The following FRMD6 variants were observed in gnomAD, a reference collection of about 807,000 sequenced individuals.
The protein encoded by FRMD6 is FERM domain-containing protein 6.
In FRMD6, 37 loss-of-function variants were observed where a neutral mutation model predicts 73.2. That is an observed-to-expected ratio of 0.51 (90% CI 0.39 to 0.66). The LOEUF (loss-of-function observed/expected upper bound fraction) is 0.66. Among genes scored for constraint, FRMD6 ranks in the 30% least tolerant of loss-of-function variants. The probability of loss-of-function intolerance (pLI) is 0.00; values close to 1 mark genes in which losing one functional copy is unlikely to be tolerated. For missense variants in FRMD6, 714 were observed against 780.5 expected (o/e 0.91, Z 1.02); for synonymous variants, 273 against 282.2 (o/e 0.97, Z 0.33).
In FRMD6 at chr14:51,702,588, G is replaced by C. The variant is rs1016686596; in HGVS notation, c.371G>C (p.Ser124Thr). The C allele has an allele frequency of 2.5e-6, 4 of 1,610,624 alleles. No homozygotes were observed. The African/African-American group carries it at 4.0e-5, about 16-fold the overall frequency. Residue 124 changes from serine to threonine, a missense_variant and splice_region_variant, in exon 5 of 14, where the codon AGT (serine) becomes ACT (threonine). Coordinates refer to ENST00000344768, the MANE Select transcript of FRMD6 (RefSeq NM_001267046.2). ...TATGTGGAAAATGGCAGATTGATCA[G>C]GTAAGAGGACAGGGGGTGATTCTAA... is the stretch of plus-strand genomic sequence containing the variant. ...QYYVENGRLI[S>T]DRAARYYYYW... is the part of the protein sequence containing the mutation.
At chr14:51,662,644 A>C (rs1893301266) in intron 1 of FRMD6, among the ~76,000 whole-genome samples, 1 of 152,250 alleles carries the variant, frequency 6.6e-6, no homozygotes, top group African/African-American at 2.4e-5. Flanking sequence ...TACAAAAATT[A>C]ACTCAAAATG....
the FRMD6 span, among the ~76,000 whole-genome samples, chr14:51,476,039 G>A: frequency 5.9e-5 from 9 of 152,266 alleles, no homozygotes; most frequent in African/African-American, 1.9e-4. Context: ...GCCCTGGCCA[G>A]AAAAGTAAAT....
At chr14:51,415,136 C>G in the FRMD6 span, among the ~76,000 whole-genome samples, 14 of 152,112 alleles carry the variant, frequency 9.2e-5, no homozygotes, top group Non-Finnish European at 1.9e-4. Flanking sequence ...ACTTGAATAC[C>G]CTTTATTTCT....
chr14:51,605,952 G>A (rs1212267687), intron 2 of FRMD6, among the ~76,000 whole-genome samples: 1 of 152,192 alleles, frequency 6.6e-6, no homozygotes, highest in Non-Finnish European at 1.5e-5. Context: ...GCTCCATGCT[G>A]TTGTCTTCAG....
chr14:51,695,727 T>C (rs542720108), intron 2 of FRMD6, among the ~76,000 whole-genome samples: 1 of 152,288 alleles, frequency 6.6e-6, no homozygotes, highest in African/African-American at 2.4e-5. Context: ...CATGAGTTCC[T>C]GGTACTTCCA....
chr14:51,728,341 G>T lies in FRMD6; in HGVS notation c.*312G>T. The T allele has an allele frequency of 3.9e-6, 1 of 255,948 alleles. No homozygotes were observed. The highest frequency in any genetic ancestry group is 4.8e-5 in the Admixed American group (1 of 20,786). 15.9% of individuals were successfully genotyped at this position (255,948 alleles called of 1,614,324 possible). On this transcript the variant is annotated 3_prime_UTR_variant, in exon 14 of 14. Transcript: ENST00000344768. ...AGTGTGGTGTGTTTGCTCATCTGATGCTTTTTAGTTCAGTTACATGTAACA... is the reference window on the plus strand; with the variant it reads ...AGTGTGGTGTGTTTGCTCATCTGATTCTTTTTAGTTCAGTTACATGTAACA...
the FRMD6 span, chr14:51,454,678 T>C: frequency 3.9e-5 from 6 of 152,250 alleles, no homozygotes; most frequent in Non-Finnish European, 7.3e-5. Flanking sequence ...CTCAGAAAGA[T>C]GTGCTTTTGT....
At chr14:51,722,848 A>G (rs1055296665) in intron 12 of FRMD6, among the ~76,000 whole-genome samples, 6 of 152,220 alleles carry the variant, frequency 3.9e-5, no homozygotes, top group African/African-American at 1.4e-4. Flanking sequence ...GAAGGGCCTG[A>G]CTGAGGTAGC....
chr14:51,437,082 C>T, the FRMD6 span: 1 of 362,824 alleles, frequency 2.8e-6, no homozygotes, highest in South Asian at 2.5e-5. Flanking sequence ...GTTTGCTGCA[C>T]CCATCAACTC....
intron 1 of FRMD6, among the ~76,000 whole-genome samples, chr14:51,685,008 A>G (rs888338614): frequency 4.3e-4 from 65 of 152,290 alleles, no homozygotes; most frequent in African/African-American, 1.6e-3. Flanking sequence ...TAGTCACAGC[A>G]CCAGACCAGA....
chr14:51,622,605 G>A (rs576491321), intron 2 of FRMD6, among the ~76,000 whole-genome samples: 2 of 152,186 alleles, frequency 1.3e-5, no homozygotes, highest in African/African-American at 2.4e-5. Context: ...AGCTTCACTC[G>A]GAGTCAATCC....
intron 7 of FRMD6, among the ~76,000 whole-genome samples, chr14:51,710,180 C>T (rs1896865237): frequency 6.6e-6 from 1 of 152,088 alleles, no homozygotes; most frequent in Admixed American, 6.6e-5. Flanking sequence ...TAGAAAATGA[C>T]TCTTATCTGC....
At chr14:51,653,419 C>A (rs2140105904) in intron 1 of FRMD6, among the ~76,000 whole-genome samples, 1 of 152,242 alleles carries the variant, frequency 6.6e-6, no homozygotes, top group East Asian at 1.9e-4. Flanking sequence ...GTTGATATTT[C>A]ACAGCATCAA....
At chr14:51,615,653 G>T (rs1890680394) in intron 2 of FRMD6, among the ~76,000 whole-genome samples, 1 of 152,152 alleles carries the variant, frequency 6.6e-6, no homozygotes, top group African/African-American at 2.4e-5. Flanking sequence ...TAACAAAGGT[G>T]AAAATGACAT....
chr14:51,649,380 T>A (rs949582402), upstream of FRMD6: 1 of 152,116 alleles, frequency 6.6e-6, no homozygotes, highest in Non-Finnish European at 1.5e-5. Flanking sequence ...CTTTTTTTTT[T>A]AAACTGTTCC....
At chr14:51,402,170 T>C in the FRMD6 span, among the ~76,000 whole-genome samples, 1 of 152,210 alleles carries the variant, frequency 6.6e-6, no homozygotes, top group Non-Finnish European at 1.5e-5. Context: ...AAAAGAATCA[T>C]TATGGCCTTG....
At chr14:51,425,118 C>T in the FRMD6 span, among the ~76,000 whole-genome samples, 7 of 152,318 alleles carry the variant, frequency 4.6e-5, 1 homozygote, top group South Asian at 4.1e-4. Flanking sequence ...CCCCAGGCTC[C>T]ATCCTCTGCC....
chr14:51,573,231 C>A (rs183771893), intron 2 of FRMD6, among the ~76,000 whole-genome samples: 1 of 152,304 alleles, frequency 6.6e-6, no homozygotes, highest in East Asian at 1.9e-4. Context: ...TCAGTCAGTG[C>A]TTTCAAATGC....
the FRMD6 span, among the ~76,000 whole-genome samples, chr14:51,402,865 C>T: frequency 6.6e-6 from 1 of 152,088 alleles, no homozygotes; most frequent in African/African-American, 2.4e-5. Context: ...GTCTCGATCT[C>T]CTAACCTCAT....
Sources: gnomAD v4.1 joint callset for allele counts (sites outside exome capture counted in the v4.1 genomes callset) on GRCh38, gnomAD v4.1.1 for gene constraint, MANE v1.5 for transcripts, NCBI Gene and HGNC (gene_info 2026-07-23, HGNC 2026-07-21) for gene names.